Variants in SMYD3 observed in about 807,000 individuals in gnomAD.
The protein encoded by SMYD3 is SET and MYND domain containing 3.
A neutral mutation model predicts 57.7 loss-of-function variants in SMYD3; 36 were observed. The observed-to-expected ratio is 0.62, with a 90% confidence interval of 0.48 to 0.82. The LOEUF (loss-of-function observed/expected upper bound fraction) is 0.82. Ranked by LOEUF, SMYD3 falls within the 40% of genes least tolerant of loss-of-function variation. SMYD3 has a pLI of 0.00. For missense variants in SMYD3, 515 were observed against 538.8 expected, an observed-to-expected ratio of 0.96 and a Z score of 0.44; for synonymous variants, 211 against 195.0, an observed-to-expected ratio of 1.08 and a Z score of -0.68.
intron 5 of SMYD3, among the ~76,000 whole-genome samples, chr1:246,123,182 A>T (rs1020511184): frequency 7.9e-5 from 12 of 152,198 alleles, no homozygotes; most frequent in African/African-American, 2.9e-4. Context: ...AATGAGCTGA[A>T]TATGTTCAAA....
chr1:245,796,403 T>C (rs1411357572), intron 10 of SMYD3, among the ~76,000 whole-genome samples: 1 of 151,856 alleles, frequency 6.6e-6, no homozygotes, highest in East Asian at 1.9e-4. Flanking sequence ...CAGCACAGAG[T>C]AATGGTTTAC....
At chr1:246,227,956 CT>C (rs202246263) in intron 5 of SMYD3, among the ~76,000 whole-genome samples, 5,798 of 115,176 alleles carry the variant, frequency 0.05, 69 homozygotes, top group African/African-American at 0.15. Context: ...ATTTTTATTC[CT>C]TTTTTTTTTT....
intron 10 of SMYD3, among the ~76,000 whole-genome samples, chr1:245,858,039 A>C (rs572349980): frequency 6.6e-6 from 1 of 152,264 alleles, no homozygotes; most frequent in South Asian, 2.1e-4. Context: ...TGAAAGCATA[A>C]ATCCTGAGAG....
chr1:246,230,011 C>T (rs1213915535), intron 5 of SMYD3, among the ~76,000 whole-genome samples: 1 of 152,098 alleles, frequency 6.6e-6, no homozygotes, highest in Non-Finnish European at 1.5e-5. Context: ...GCAGGTGGAC[C>T]CCAAAAGTGA....
At chr1:246,119,859 T>C (rs1393689955) in intron 5 of SMYD3, among the ~76,000 whole-genome samples, 1 of 152,176 alleles carries the variant, frequency 6.6e-6, no homozygotes, top group African/African-American at 2.4e-5. Flanking sequence ...GAGAGGAAAA[T>C]GTTTCTTTTC....
intron 1 of SMYD3, among the ~76,000 whole-genome samples, chr1:246,440,192 T>C (rs1363271863): frequency 1.3e-5 from 2 of 152,024 alleles, no homozygotes; most frequent in Admixed American, 6.6e-5. Context: ...TAAACCAATA[T>C]ACACAAAAAA....
At chr1:246,169,191 G>A (rs945986353) in intron 5 of SMYD3, among the ~76,000 whole-genome samples, 5 of 151,962 alleles carry the variant, frequency 3.3e-5, no homozygotes, top group Non-Finnish European at 7.4e-5. Flanking sequence ...CAGGCAGTCT[G>A]CAAAAGACAG....
At chr1:245,815,156 T>C (rs925099103) in intron 10 of SMYD3, among the ~76,000 whole-genome samples, 2 of 152,174 alleles carry the variant, frequency 1.3e-5, no homozygotes, top group African/African-American at 4.8e-5. Context: ...CAGAAGATGC[T>C]TTTACACTCA....
At chr1:246,371,098 A>T (rs2066184237) in intron 1 of SMYD3, among the ~76,000 whole-genome samples, 2 of 151,540 alleles carry the variant, frequency 1.3e-5, no homozygotes. Context: ...GCTTTAGGCA[A>T]GGTAATGTCT....
intron 5 of SMYD3, among the ~76,000 whole-genome samples, chr1:246,243,978 T>A (rs1249154660): frequency 1.0e-5 from 1 of 100,240 alleles, no homozygotes; most frequent in Non-Finnish European, 2.0e-5. Flanking sequence ...GGGAGACATA[T>A]ATGTGTATAT....
intron 8 of SMYD3, among the ~76,000 whole-genome samples, chr1:245,883,719 AG>A (rs2148557588): frequency 6.6e-6 from 1 of 152,272 alleles, no homozygotes; most frequent in East Asian, 1.9e-4. Context: ...TGACACTGTA[AG>A]AATTTAGGTA....
chr1:246,455,962 T>C (rs1391454667), intron 1 of SMYD3, among the ~76,000 whole-genome samples: 2 of 152,202 alleles, frequency 1.3e-5, no homozygotes, highest in African/African-American at 4.8e-5. Flanking sequence ...TTAAAGTATA[T>C]CCTGATAGCT....
At chr1:246,467,724 A>G in intron 1 of SMYD3, among the ~76,000 whole-genome samples, 1 of 152,334 alleles carries the variant, frequency 6.6e-6, no homozygotes, top group African/African-American at 2.4e-5. Context: ...CTATTCCAAA[A>G]AATGGAAGAG....
intron 10 of SMYD3, among the ~76,000 whole-genome samples, chr1:245,807,826 A>T (rs2048266362): frequency 6.6e-6 from 1 of 150,756 alleles, no homozygotes; most frequent in Non-Finnish European, 1.5e-5. Flanking sequence ...AAAAAAAAAA[A>T]ACAAAAAACA....
At chr1:245,996,841 C>T in intron 5 of SMYD3, among the ~76,000 whole-genome samples, 1 of 152,200 alleles carries the variant, frequency 6.6e-6, no homozygotes, top group South Asian at 2.1e-4. Flanking sequence ...GGGAGAGGGA[C>T]TTATTTACCA....
chr1:245,829,118 CT>C (rs10701402), intron 10 of SMYD3, among the ~76,000 whole-genome samples: 23 of 140,112 alleles, frequency 1.6e-4, no homozygotes, highest in African/African-American at 6.2e-4. Context: ...AAGACAATCA[CT>C]TTTTTTTTTT....
chr1:246,121,294 G>A (rs951995728), intron 5 of SMYD3, among the ~76,000 whole-genome samples: 2 of 152,042 alleles, frequency 1.3e-5, no homozygotes, highest in Non-Finnish European at 2.9e-5. Context: ...GTTATTCCCT[G>A]TCTTGCAGAC....
chr1:245,767,892 C>A (rs2046182125), intron 10 of SMYD3, among the ~76,000 whole-genome samples: 1 of 152,106 alleles, frequency 6.6e-6, no homozygotes, highest in South Asian at 2.1e-4. Flanking sequence ...TATTTTATCA[C>A]AATAGAAAAC....
chr1:246,160,909 C>A (rs1187522296), intron 5 of SMYD3, among the ~76,000 whole-genome samples: 1 of 152,136 alleles, frequency 6.6e-6, no homozygotes. Context: ...TGGGACCTGG[C>A]AGAGCAACTC....
Sources: gnomAD v4.1 joint callset for allele counts (sites outside exome capture counted in the v4.1 genomes callset) on GRCh38, gnomAD v4.1.1 for gene constraint, MANE v1.5 for transcripts, NCBI Gene and HGNC (gene_info 2026-07-23, HGNC 2026-07-21) for gene names.